Variants in HECW2 observed in about 807,000 individuals in gnomAD.
HECW2 encodes the protein HECT, C2 and WW domain containing E3 ubiquitin protein ligase 2, also known as E3 ubiquitin-protein ligase HECW2.
In HECW2, 61 loss-of-function variants were observed where a neutral mutation model predicts 175.2. That is an observed-to-expected ratio of 0.35 (90% CI 0.28 to 0.43). The LOEUF is 0.43. Among genes scored for constraint, HECW2 ranks in the 20% least tolerant of loss-of-function variants. The probability of loss-of-function intolerance (pLI) is 1.00; values close to 1 mark genes in which losing one functional copy is unlikely to be tolerated. For missense variants in HECW2, 1,524 were observed against 2,000.5 expected (o/e 0.76, Z 4.54); for synonymous variants, 671 against 731.0 (o/e 0.92, Z 1.32).
At chr2:196,273,371 T>A (rs1162502637) in intron 16 of HECW2, among the ~76,000 whole-genome samples, 1 of 152,110 alleles carries the variant, frequency 6.6e-6, no homozygotes, top group Non-Finnish European at 1.5e-5. Context: ...CCAGCCAACC[T>A]AGTCTAATTT....
chr2:196,369,575 C>G (rs551048164), intron 2 of HECW2, among the ~76,000 whole-genome samples: 123 of 152,086 alleles, frequency 8.1e-4, no homozygotes, highest in African/African-American at 2.5e-3. Context: ...CAGCACATAA[C>G]AAAGCTAGCC....
rs1440052770 is a variant in HECW2, at chr2:196,253,349, T to A, written c.3529+571A>T. 2.6e-5 allele frequency among the ~76,000 whole-genome samples: 4 copies of A among 152,196 alleles called. No individual in the cohort carries two copies. The East Asian group carries it at 7.7e-4, about 29-fold the overall frequency. On this transcript the variant is annotated intron_variant, in intron 19 of 28. Coordinates refer to ENST00000644978, the MANE Select transcript of HECW2 (RefSeq NM_001348768.2). ...TCAAAGCTCATTTGCCAAGCTGCAT[T>A]TCCTACCATTTGCTCATCCACCCAT...
At chr2:196,201,450 GT>G (rs559475295) in intron 28 of HECW2, 62 bp from the exon 29 acceptor site, 16,696 of 596,834 alleles carry the variant, frequency 0.028, 18 homozygotes, top group East Asian at 0.048. Context: ...AATGTGTGTG[GT>G]GTGTGTGTGT....
chr2:196,434,643 T>C (rs1477101530), intron 1 of HECW2, among the ~76,000 whole-genome samples: 2 of 152,236 alleles, frequency 1.3e-5, no homozygotes, highest in Non-Finnish European at 2.9e-5. Flanking sequence ...GATCTGATTT[T>C]CTTCTGTACC....
At chr2:196,235,648 C>CTTTTTTTTTTTT (rs757874073) in intron 21 of HECW2, among the ~76,000 whole-genome samples, 3 of 78,900 alleles carry the variant, frequency 3.8e-5, no homozygotes, top group Non-Finnish European at 2.4e-5. Context: ...ATGCATTATT[C>CTTTTTTTTTTTT]TTTTTTTTTT....
intron 28 of HECW2, among the ~76,000 whole-genome samples, chr2:196,213,170 C>T (rs1687351114): frequency 6.6e-6 from 1 of 152,180 alleles, no homozygotes; most frequent in Non-Finnish European, 1.5e-5. Context: ...TCTCATATAA[C>T]TATACTGTCA....
At chr2:196,344,546 G>T (rs1052663272) in intron 2 of HECW2, among the ~76,000 whole-genome samples, 2 of 151,902 alleles carry the variant, frequency 1.3e-5, no homozygotes, top group African/African-American at 4.8e-5. Context: ...CTCAGACTCT[G>T]CCCCCAGCAC....
intron 1 of HECW2, among the ~76,000 whole-genome samples, chr2:196,481,814 G>A (rs1686852485): frequency 6.6e-6 from 1 of 152,154 alleles, no homozygotes; most frequent in Non-Finnish European, 1.5e-5. Context: ...ACTGAAATCA[G>A]ATAAAAAGGG....
chr2:196,285,525 C>CA (rs111604815), intron 14 of HECW2, among the ~76,000 whole-genome samples: 24,802 of 151,922 alleles, frequency 0.16, 2,172 homozygotes, highest in Middle Eastern at 0.23. Context: ...TGGAAGTGCT[C>CA]AAAAAAAGGC....
chr2:196,463,072 A>G (rs1170081750), intron 1 of HECW2, among the ~76,000 whole-genome samples: 1 of 152,214 alleles, frequency 6.6e-6, no homozygotes, highest in African/African-American at 2.4e-5. Context: ...CTAAGTGGCA[A>G]TTAGTCATAG....
At chr2:196,306,743 A>C in intron 12 of HECW2, 131 bp from the exon 13 acceptor site, 1 of 922,794 alleles carries the variant, frequency 1.1e-6, no homozygotes, top group Non-Finnish European at 1.5e-6. Context: ...TAATCCCCCA[A>C]TGCTTTTTTC....
chr2:196,236,396 A>G (rs1688254732), intron 21 of HECW2, among the ~76,000 whole-genome samples: 1 of 152,258 alleles, frequency 6.6e-6, no homozygotes, highest in Non-Finnish European at 1.5e-5. Flanking sequence ...TTGCAAGGAT[A>G]AAACAGAGAG....
chr2:196,444,772 G>C (rs1404153833), intron 1 of HECW2, among the ~76,000 whole-genome samples: 1 of 152,242 alleles, frequency 6.6e-6, no homozygotes. Flanking sequence ...GCTGAGATCT[G>C]AAGTTAGCAA....
At position 196,554,698 on chromosome 2, in the gene HECW2, A is replaced by G. The variant is rs145453392; in HGVS notation, c.-36+38810T>C. Among the ~76,000 whole-genome samples the G allele has an allele frequency of 9.8e-3, 1,485 of 152,236 alleles. 10 individuals carry two copies. Among genetic ancestry groups the G allele is most frequent in the Middle Eastern group, 0.037 (11 of 294 alleles). On this transcript the variant is annotated intron_variant, in intron 1 of 28. Transcript: ENST00000644978. The stretch of plus-strand genomic sequence containing the variant: ...TCTCAGTAAGTCTTTTCTTATTCCA[A>G]TTCCACTTTAATTTCCACCAGCTTC...
intron 2 of HECW2, among the ~76,000 whole-genome samples, chr2:196,362,432 G>C (rs922754165): frequency 6.7e-5 from 10 of 149,750 alleles, no homozygotes; most frequent in African/African-American, 2.0e-4. Flanking sequence ...AGGGGAGCTT[G>C]CTATTTGATT....
chr2:196,469,046 G>C (rs1697078236), intron 1 of HECW2, among the ~76,000 whole-genome samples: 1 of 152,010 alleles, frequency 6.6e-6, no homozygotes, highest in African/African-American at 2.4e-5. Flanking sequence ...ATCAGAGCCA[G>C]ATGTGAAGAA....
In HECW2 at chr2:196,292,708, T is replaced by A. The variant is rs748109589; in HGVS notation, c.2857A>T (p.Met953Leu). The change falls in exon 14 of 29, where the codon ATG (methionine) becomes TTG (leucine). Residue 953 changes from methionine to leucine, a missense_variant. Met to Leu is a conservative substitution (Grantham distance 15). This residue lies in a region of HECW2 where 291 missense variants were observed against 412.2 expected (regional missense o/e 0.71). Coordinates refer to ENST00000644978, the MANE Select transcript of HECW2 (RefSeq NM_001348768.2). Reference protein sequence around the residue: ...MFTNNTCLKHMITKVRRDTHH... With the variant: ...MFTNNTCLKHLITKVRRDTHH... Reference sequence around the variant, plus strand: ...GTGTCCCTCCGGACTTTGGTGATCATGTGCTTCAAACACGTGTTGTTTGTA... The same window carrying A: ...GTGTCCCTCCGGACTTTGGTGATCAAGTGCTTCAAACACGTGTTGTTTGTA... 6.2e-7 allele frequency: 1 copy of A among 1,614,046 alleles called. No individual in the cohort carries two copies. Among genetic ancestry groups the A allele is most frequent in the Non-Finnish European group, 8.5e-7 (1 of 1,179,908 alleles).
In HECW2 at chr2:196,318,762, C is replaced by A. The variant is rs753420806; in HGVS notation, c.2128G>T (p.Val710Leu). ...SVCTAGSLPV[V>L]QVPSGEDEGP... ...TCATCCTCCCCACTGGGCACCTGTA[C>A]CACAGGTAAAGAACCAGCAGTGCAC... The change falls in exon 9 of 29, where the codon GTA (valine) becomes TTA (leucine). Residue 710 changes from valine (V) to leucine (L), a missense_variant. Val to Leu is a conservative substitution (Grantham distance 32, BLOSUM62 1). Coordinates refer to ENST00000644978, the MANE Select transcript of HECW2 (RefSeq NM_001348768.2). 9.2e-6 allele frequency: 14 copies of A among 1,527,446 alleles called. No homozygotes were observed. Among genetic ancestry groups the A allele is most frequent in the Non-Finnish European group, 1.2e-5 (14 of 1,136,696 alleles). 94.6% of individuals were successfully genotyped at this position (1,527,446 alleles called of 1,614,324 possible).
In HECW2 at chr2:196,561,899, T is replaced by A. The variant is rs140573189; in HGVS notation, c.-36+31609A>T. ...CCTCTAAAATAGTTTACCAAATAAG[T>A]GGTCTGTGAGAACTTAGAGGCAATG... On this transcript the variant is annotated intron_variant, in intron 1 of 28. Coordinates refer to ENST00000644978, the MANE Select transcript of HECW2 (RefSeq NM_001348768.2). Among the ~76,000 whole-genome samples, 117 of 152,290 alleles carry A rather than the reference T, an allele frequency of 7.7e-4. 3 individuals are homozygous for A. In the East Asian group the frequency reaches 0.021, roughly 27 times the overall value.
Sources: allele counts gnomAD v4.1 joint callset (sites outside exome capture counted in the v4.1 genomes callset), GRCh38; gene constraint gnomAD v4.1.1; regional missense constraint gnomAD v4.1.1; transcripts MANE v1.5; gene names NCBI Gene and HGNC (gene_info 2026-07-23, HGNC 2026-07-21).